ENTREP2: variants seen among roughly 807,000 people sequenced by gnomAD.
ENTREP2 encodes the protein endosomal transmembrane epsin interactor 2.
the ENTREP2 span, among the ~76,000 whole-genome samples, chr15:29,345,128 C>T: frequency 2.0e-5 from 3 of 152,102 alleles, no homozygotes; most frequent in Non-Finnish European, 2.9e-5. Flanking sequence ...GCTACAAGTG[C>T]CCGTACCGTA....
chr15:29,431,193 T>A, the ENTREP2 span, among the ~76,000 whole-genome samples: 2 of 152,114 alleles, frequency 1.3e-5, no homozygotes, highest in African/African-American at 4.8e-5. Context: ...TAACCCCGGG[T>A]AAAATCACGC....
chr15:29,124,555 C>G, the ENTREP2 span: 28 of 683,056 alleles, frequency 4.1e-5, no homozygotes, highest in African/African-American at 1.5e-4. Context: ...CAAAGCCAGA[C>G]AGTGGGCAGC....
At chr15:29,604,533 G>A in the ENTREP2 span, among the ~76,000 whole-genome samples, 356 of 152,076 alleles carry the variant, frequency 2.3e-3, 3 homozygotes, top group African/African-American at 8.0e-3. Flanking sequence ...TTACTTTCAA[G>A]GTAATTATAA....
At chr15:29,253,066 T>C in the ENTREP2 span, among the ~76,000 whole-genome samples, 3 of 152,344 alleles carry the variant, frequency 2.0e-5, no homozygotes, top group African/African-American at 7.2e-5. Flanking sequence ...AGAAGCTTTC[T>C]GAAAACATAG....
chr15:29,285,954 T>C, the ENTREP2 span, among the ~76,000 whole-genome samples: 1 of 152,044 alleles, frequency 6.6e-6, no homozygotes, highest in Non-Finnish European at 1.5e-5. Flanking sequence ...CATATGGTCT[T>C]CCCCCAAAAA....
At chr15:29,540,420 C>CCAGT in the ENTREP2 span, among the ~76,000 whole-genome samples, 6 of 152,192 alleles carry the variant, frequency 3.9e-5, no homozygotes, top group Non-Finnish European at 8.8e-5. Context: ...AAGAAAGAGG[C>CCAGT]CAGTGGAAGG....
At chr15:29,155,289 GA>G in the ENTREP2 span, among the ~76,000 whole-genome samples, 44,754 of 127,338 alleles carry the variant, frequency 0.35, 6,914 homozygotes, top group Non-Finnish European at 0.38. Flanking sequence ...CTCATAAAAA[GA>G]AAAAAAAAAA....
the ENTREP2 span, among the ~76,000 whole-genome samples, chr15:29,312,488 T>G: frequency 6.6e-6 from 1 of 152,242 alleles, no homozygotes; most frequent in East Asian, 1.9e-4. Context: ...TGAGTAAGTC[T>G]ATGAGCAACA....
chr15:29,254,161 CAAAAAAAAAAAAA>C, the ENTREP2 span, among the ~76,000 whole-genome samples: 8 of 61,336 alleles, frequency 1.3e-4, no homozygotes, highest in Middle Eastern at 0.016. Context: ...TGTTAAAGAG[CAAAAAAAAAAAAA>C]AAAAAAAAAA....
chr15:29,291,411 G>A, the ENTREP2 span, among the ~76,000 whole-genome samples: 59 of 152,302 alleles, frequency 3.9e-4, no homozygotes, highest in South Asian at 6.2e-3. Context: ...AAGCTGCACA[G>A]GCTCCATTTG....
chr15:29,659,445 T>G, the ENTREP2 span, among the ~76,000 whole-genome samples: 1 of 152,158 alleles, frequency 6.6e-6, no homozygotes, highest in South Asian at 2.1e-4. Context: ...CCCTCCAGCC[T>G]AGGAGACAGT....
the ENTREP2 span, among the ~76,000 whole-genome samples, chr15:29,546,100 T>C: frequency 5.9e-5 from 9 of 152,172 alleles, no homozygotes; most frequent in South Asian, 2.1e-4. Context: ...CAATGAAACT[T>C]AGGAGACTTC....
At chr15:29,480,013 CAT>C in the ENTREP2 span, among the ~76,000 whole-genome samples, 3 of 152,126 alleles carry the variant, frequency 2.0e-5, no homozygotes, top group Non-Finnish European at 2.9e-5. Flanking sequence ...TTTTCAGTCT[CAT>C]GTGCTAAAAA....
chr15:29,344,648 A>T, the ENTREP2 span, among the ~76,000 whole-genome samples: 1 of 151,966 alleles, frequency 6.6e-6, no homozygotes, highest in Non-Finnish European at 1.5e-5. Flanking sequence ...TCCACACCAG[A>T]GGTGGAGTGG....
At chr15:29,124,679 C>A in the ENTREP2 span, 2 of 1,550,036 alleles carry the variant, frequency 1.3e-6, no homozygotes, top group Non-Finnish European at 1.7e-6. Context: ...AGAAAAGAAG[C>A]GTCTCACCGC....
the ENTREP2 span, among the ~76,000 whole-genome samples, chr15:29,170,526 C>A: frequency 1.3e-5 from 2 of 152,080 alleles, no homozygotes; most frequent in African/African-American, 2.4e-5. Flanking sequence ...TACATTAATT[C>A]TTTCCAAATC....
the ENTREP2 span, among the ~76,000 whole-genome samples, chr15:29,191,757 A>C: frequency 6.6e-6 from 1 of 152,116 alleles, no homozygotes; most frequent in Non-Finnish European, 1.5e-5. Flanking sequence ...TCTACAAACA[A>C]TAAAAAATTA....
At chr15:29,240,870 G>A in the ENTREP2 span, among the ~76,000 whole-genome samples, 3 of 152,172 alleles carry the variant, frequency 2.0e-5, no homozygotes, top group African/African-American at 4.8e-5. Flanking sequence ...CCTGCACACA[G>A]CAAGGGCTCA....
At chr15:29,199,356 C>A in the ENTREP2 span, among the ~76,000 whole-genome samples, 1 of 152,106 alleles carries the variant, frequency 6.6e-6, no homozygotes, top group Non-Finnish European at 1.5e-5. Context: ...GGATCTAACA[C>A]AGAAAAGAGA....
Sources: gnomAD v4.1 joint callset for allele counts (sites outside exome capture counted in the v4.1 genomes callset) on GRCh38, gnomAD v4.1.1 for gene constraint, MANE v1.5 for transcripts, NCBI Gene and HGNC (gene_info 2026-07-23, HGNC 2026-07-21) for gene names.